Variants in FUT8 observed in about 807,000 individuals in gnomAD.
The protein encoded by FUT8 is fucosyltransferase 8.
A neutral mutation model predicts 71.3 loss-of-function variants in FUT8; 29 were observed. The ratio of observed to expected loss-of-function variants is 0.41; its 90% CI spans 0.30 to 0.55. The LOEUF (loss-of-function observed/expected upper bound fraction) is 0.55. Ranked by LOEUF, FUT8 falls within the 20% of genes least tolerant of loss-of-function variation. The probability of loss-of-function intolerance (pLI) is 0.34; values close to 1 mark genes in which losing one functional copy is unlikely to be tolerated. For missense variants in FUT8, 544 were observed against 702.1 expected, an observed-to-expected ratio of 0.77 and a Z score of 2.55; for synonymous variants, 254 against 239.3, an observed-to-expected ratio of 1.06 and a Z score of -0.57.
the FUT8 span, among the ~76,000 whole-genome samples, chr14:65,394,099 C>T: frequency 0.018 from 2,710 of 152,186 alleles, 82 homozygotes; most frequent in African/African-American, 0.061. Flanking sequence ...TGGGATTACA[C>T]GCATGCACCA....
chr14:65,722,958 A>C (rs1895494428), intron 8 of FUT8, among the ~76,000 whole-genome samples: 1 of 152,138 alleles, frequency 6.6e-6, no homozygotes, highest in Non-Finnish European at 1.5e-5. Context: ...GGGGAGGGGA[A>C]GGCAAGATTT....
chr14:65,370,942 G>A, the FUT8 span, among the ~76,000 whole-genome samples: 3 of 152,150 alleles, frequency 2.0e-5, no homozygotes, highest in Non-Finnish European at 4.4e-5. Flanking sequence ...TAGGCTTTTC[G>A]GGGCAGCAAA....
intron 1 of FUT8, among the ~76,000 whole-genome samples, chr14:65,419,191 C>T (rs1428162947): frequency 1.2e-4 from 19 of 152,054 alleles, no homozygotes; most frequent in Admixed American, 9.2e-4. Context: ...ACCCAGGAGG[C>T]GGAGGTTGCA....
the FUT8 span, among the ~76,000 whole-genome samples, chr14:65,404,647 T>C: frequency 5.3e-5 from 8 of 152,120 alleles, no homozygotes; most frequent in Admixed American, 6.5e-5. Flanking sequence ...GCTAATTTTT[T>C]GTATTTTAGT....
In FUT8 at chr14:65,660,488, G is replaced by A. The variant is rs911434361; in HGVS notation, c.598-8755G>A. Among the ~76,000 whole-genome samples, 4 of 152,070 alleles carry A rather than the reference G, an allele frequency of 2.6e-5. No individual in the cohort carries two copies. On this transcript the variant is annotated intron_variant, in intron 6 of 10. Coordinates refer to ENST00000673929, the MANE Select transcript of FUT8 (RefSeq NM_001371533.1). This position sits in a 1 kb window ranked among gnomAD's most constrained non-coding sequence, Gnocchi z 4.1. The stretch of plus-strand genomic sequence containing the variant: ...TATCTGCCTTTGCTGCAGTCTTTCA[G>A]TCTATAAACTCTGTATCTTGGTATC...
chr14:65,618,189 A>G (rs1034186317), intron 5 of FUT8, among the ~76,000 whole-genome samples: 10 of 151,278 alleles, frequency 6.6e-5, no homozygotes, highest in Admixed American at 2.0e-4. Flanking sequence ...GGCCTGGGCT[A>G]CCATGTCCAG....
intron 7 of FUT8, among the ~76,000 whole-genome samples, chr14:65,680,497 G>T (rs1373228803): frequency 6.6e-6 from 1 of 152,112 alleles, no homozygotes; most frequent in Non-Finnish European, 1.5e-5. Flanking sequence ...AAATCAATCA[G>T]TAATATATGG....
Position 65,669,285 on chromosome 14 carries a change from A to G in FUT8, c.640A>G (p.Ile214Val). 6.2e-7 allele frequency: 1 copy of G among 1,613,852 alleles called. No homozygotes were observed. Among genetic ancestry groups the G allele is most frequent in the Non-Finnish European group, 8.5e-7 (1 of 1,179,892 alleles). Residue 214 changes from isoleucine (I) to valine (V), a missense_variant, in exon 7 of 11, where the codon ATC becomes GTC. Coordinates refer to ENST00000673929, the MANE Select transcript of FUT8 (RefSeq NM_001371533.1). The surrounding 1 kb of genome is among the most constrained non-coding windows in gnomAD (Gnocchi z 4.5). Reference sequence around the variant, plus strand: ...CAAAGCCAAAAAGCTGGTGTGTAATATCAACAAAGGCTGTGGCTATGGCTG... The same window carrying G: ...CAAAGCCAAAAAGCTGGTGTGTAATGTCAACAAAGGCTGTGGCTATGGCTG... ...CSKAKKLVCN[I>V]NKGCGYGCQL...
Position 65,561,508 on chromosome 14 carries a change from A to G in FUT8, c.-56A>G, listed in dbSNP as rs1885911685. On this transcript the variant is annotated 5_prime_UTR_variant, in exon 3 of 11. The change abolishes an upstream ATG in the 5' untranslated region. Transcript: ENST00000673929. ...TGCACTAACTAGAAACAGAGTTACAATGTTTTCAATTCTTTGAGCTCCAGG... is the reference window on the plus strand; with the variant it reads ...TGCACTAACTAGAAACAGAGTTACAGTGTTTTCAATTCTTTGAGCTCCAGG... 6.5e-7 allele frequency: 1 copy of G among 1,530,376 alleles called. No individual in the cohort carries two copies. The highest frequency in any genetic ancestry group is 9.0e-7 in the Non-Finnish European group (1 of 1,107,660). The allele number at this position is 1,530,376 out of a possible 1,614,324, so 94.8% of individuals were successfully genotyped here.
chr14:65,715,336 A>G (rs1480497005), intron 7 of FUT8, among the ~76,000 whole-genome samples: 1 of 152,198 alleles, frequency 6.6e-6, no homozygotes, highest in Non-Finnish European at 1.5e-5. Flanking sequence ...TGAAATGATC[A>G]TGTGGCTTTT....
intron 7 of FUT8, among the ~76,000 whole-genome samples, chr14:65,680,718 ATCTC>A (rs1892996675): frequency 6.6e-6 from 1 of 152,148 alleles, no homozygotes; most frequent in African/African-American, 2.4e-5. Flanking sequence ...TTATTTCAGT[ATCTC>A]CTCTGCTCTC....
chr14:65,731,136 G>A (rs1384398130), intron 9 of FUT8, among the ~76,000 whole-genome samples: 1 of 152,222 alleles, frequency 6.6e-6, no homozygotes, highest in East Asian at 1.9e-4. Context: ...CAGAGCACTA[G>A]GAATACAAAG....
intron 2 of FUT8, among the ~76,000 whole-genome samples, chr14:65,522,888 C>A (rs1883182277): frequency 6.6e-6 from 1 of 152,186 alleles, no homozygotes; most frequent in Non-Finnish European, 1.5e-5. Context: ...CACATCCCTA[C>A]AAAGGACATG....
At chr14:65,368,506 A>AT in the FUT8 span, among the ~76,000 whole-genome samples, 4 of 127,914 alleles carry the variant, frequency 3.1e-5, no homozygotes, top group African/African-American at 5.5e-5. Context: ...ACGCCTGGCT[A>AT]TTTTTTTGTT....
intron 3 of FUT8, 97 bp downstream of exon 3, chr14:65,561,863 TATAA>T: frequency 2.1e-6 from 2 of 951,330 alleles, no homozygotes; most frequent in Non-Finnish European, 3.2e-6. Context: ...TAATTATTTT[TATAA>T]CCTGCTGTCT....
intron 10 of FUT8, among the ~76,000 whole-genome samples, chr14:65,737,971 G>A (rs17779403): frequency 0.034 from 5,143 of 152,180 alleles, 138 homozygotes; most frequent in Middle Eastern, 0.095. Flanking sequence ...TTTCCATTGA[G>A]ATGTGGCTCA....
chr14:65,443,001 G>A (rs928351727), intron 1 of FUT8, among the ~76,000 whole-genome samples: 4 of 152,082 alleles, frequency 2.6e-5, no homozygotes, highest in South Asian at 4.1e-4. Flanking sequence ...TATAGAAAAT[G>A]TACCATACTA....
the FUT8 span, among the ~76,000 whole-genome samples, chr14:65,366,554 A>G: frequency 6.6e-6 from 1 of 152,326 alleles, no homozygotes; most frequent in African/African-American, 2.4e-5. Flanking sequence ...ATGAGTATTC[A>G]GCCTATACCC....
intron 2 of FUT8, among the ~76,000 whole-genome samples, chr14:65,507,702 C>T (rs891364439): frequency 1.3e-5 from 2 of 152,156 alleles, no homozygotes; most frequent in Admixed American, 6.5e-5. Flanking sequence ...CATTCGTCTG[C>T]TAATGGACAC....
Sources: allele counts gnomAD v4.1 joint callset (sites outside exome capture counted in the v4.1 genomes callset), GRCh38; gene constraint gnomAD v4.1.1; non-coding constraint Gnocchi (gnomAD v3.1); transcripts MANE v1.5; gene names NCBI Gene and HGNC (gene_info 2026-07-23, HGNC 2026-07-21).